The following BAZ1A variants were observed in gnomAD, a reference collection of about 807,000 sequenced individuals.
The protein encoded by BAZ1A is bromodomain adjacent to zinc finger domain 1A, also known as bromodomain adjacent to zinc finger domain protein 1A.
In BAZ1A, 50 loss-of-function variants were observed where a neutral mutation model predicts 185.2. That is an observed-to-expected ratio of 0.27 (90% confidence interval 0.22 to 0.34). The LOEUF is 0.34. Among genes scored for constraint, BAZ1A ranks in the 10% least tolerant of loss-of-function variants. The pLI, the probability that BAZ1A is intolerant of heterozygous loss-of-function variation, is 1.00. For synonymous variants in BAZ1A, 571 were observed against 615.6 expected (o/e 0.93, Z 1.07); for missense variants, 1,356 against 1,839.9 (o/e 0.74, Z 4.81).
At chr14:34,759,983 T>G (rs1886452771) in intron 24 of BAZ1A, among the ~76,000 whole-genome samples, 1 of 152,168 alleles carries the variant, frequency 6.6e-6, no homozygotes, top group Non-Finnish European at 1.5e-5. Flanking sequence ...CCACAGATCT[T>G]AATTTTAATA....
intron 3 of BAZ1A, among the ~76,000 whole-genome samples, chr14:34,858,105 C>CA (rs11454169): frequency 0.86 from 131,361 of 152,126 alleles, 57,660 homozygotes; most frequent in Non-Finnish European, 0.96. Context: ...AAACCACCAA[C>CA]AACAAAATAA....
intron 5 of BAZ1A, among the ~76,000 whole-genome samples, chr14:34,808,066 A>G (rs1482146262): frequency 6.6e-6 from 1 of 152,126 alleles, no homozygotes; most frequent in Non-Finnish European, 1.5e-5. Context: ...AGTGCACTCC[A>G]GCCTGGGCGA....
rs752262266 is a variant in BAZ1A, at chr14:34,755,350, A to G, written c.4387-436T>C. 3.2e-4 allele frequency among the ~76,000 whole-genome samples: 49 copies of G among 152,154 alleles called. 1 individual carries two copies. Among genetic ancestry groups the G allele is most frequent in the Admixed American group, 1.3e-4 (2 of 15,274 alleles). On this transcript the variant is annotated intron_variant, in intron 25 of 26. Transcript: ENST00000360310. ...GAAGTCTCAAAGTAGAATTCTGATG[A>G]TGTCACTTCTTCATTCAGAAACCTT...
intron 23 of BAZ1A, among the ~76,000 whole-genome samples, chr14:34,764,375 C>T (rs963202234): frequency 6.9e-6 from 1 of 145,268 alleles, no homozygotes; most frequent in Admixed American, 7.3e-5. Context: ...CTCACTGCAA[C>T]CTCCGCTCCC....
At chr14:34,757,932 A>G (rs1886335417) in intron 25 of BAZ1A, among the ~76,000 whole-genome samples, 2 of 151,078 alleles carry the variant, frequency 1.3e-5, no homozygotes, top group South Asian at 4.2e-4. Context: ...TATTTTTAGT[A>G]GAGATGGGGT....
intron 2 of BAZ1A, among the ~76,000 whole-genome samples, chr14:34,871,393 C>T (rs2042945928): frequency 6.6e-6 from 1 of 152,196 alleles, no homozygotes; most frequent in Admixed American, 6.5e-5. Context: ...CATTATGCAC[C>T]TTAGCTTACG....
intron 2 of BAZ1A, among the ~76,000 whole-genome samples, chr14:34,863,595 C>A (rs1461632648): frequency 6.6e-6 from 1 of 152,154 alleles, no homozygotes; most frequent in Non-Finnish European, 1.5e-5. Flanking sequence ...CGTGAGCCAC[C>A]ATTCCCAGCC....
chr14:34,764,814 T>C lies in BAZ1A; in HGVS notation c.3669A>G (p.Gly1223=). ...CGCCATCAACTTCATCATCCTCACCTCCCATACTGTCTTCCACATCTTCAT... is the reference window on the plus strand; with the variant it reads ...CGCCATCAACTTCATCATCCTCACCCCCCATACTGTCTTCCACATCTTCAT... ...ESDEDVEDSM[G]GEDDEVDGDE... Residue 1223 remains glycine, a synonymous_variant, in exon 23 of 27, where the codon GGA becomes GGG. Transcript: ENST00000360310. 1 of 1,613,572 alleles carries C rather than the reference T, an allele frequency of 6.2e-7. No individual in the cohort carries two copies. Among genetic ancestry groups the C allele is most frequent in the Non-Finnish European group, 8.5e-7 (1 of 1,179,570 alleles).
rs964428068 is a variant in BAZ1A, at chr14:34,835,057, A to AT, written c.393-8902dup. Among the ~76,000 whole-genome samples, 132 of 146,332 alleles carry AT rather than the reference A, an allele frequency of 9.0e-4. 1 individual carries two copies. Among genetic ancestry groups the AT allele is most frequent in the Admixed American group, 2.9e-3 (43 of 14,732 alleles). ...TCTAGAAGATGAAATTCCGGCTCAG[A>AT]TTTTTTTTTTTCCTTTTTTCCTGAG... On this transcript the variant is annotated intron_variant, in intron 3 of 26. Transcript: ENST00000360310.
rs768851143 is a variant in BAZ1A, at chr14:34,771,487, T to G, written c.3301+24A>C. ...AAATTACTTATAACACAACTAATAT[T>G]TTGAAATAAAAACAGATACTTACCA... On this transcript the variant is annotated intron_variant, in intron 21 of 26. Transcript: ENST00000360310. 3.8e-6 allele frequency: 6 copies of G among 1,591,218 alleles called. No individual in the cohort carries two copies. In the East Asian group the frequency reaches 1.1e-4, roughly 30 times the overall value.
Position 34,753,171 on chromosome 14 carries a change from CT to C in BAZ1A, c.*336del. On this transcript the variant is annotated 3_prime_UTR_variant, in exon 27 of 27. Transcript: ENST00000360310. ...AGATAACTCTCCCTTAATACCACCA[CT>C]TTAAAAAAAAATCATCAATAACAAA... 1 of 224,584 alleles carries C rather than the reference CT, an allele frequency of 4.5e-6. No individual in the cohort carries two copies. The highest frequency in any genetic ancestry group is 8.1e-5 in the South Asian group (1 of 12,306). 13.9% of individuals were successfully genotyped at this position (224,584 alleles called of 1,614,324 possible). A position where few individuals can be genotyped will look rare whatever the true frequency, so the allele number is the denominator to read the frequency against.
Position 34,774,411 on chromosome 14 carries a change from T to C in BAZ1A, c.2913A>G (p.Ala971=), listed in dbSNP as rs766145235. Residue 971 remains alanine (A), a synonymous_variant, in exon 19 of 27, where the codon GCA becomes GCG. Transcript: ENST00000360310. ...SNAYDPSQMC[A]EKQLELRLRD... ...TCAGCCTTAGTTCAAGTTGCTTTTC[T>C]GCACACATCTGAGATGGATCATATG... The C allele has an allele frequency of 2.0e-5, 32 of 1,613,790 alleles. No individual in the cohort carries two copies. In the Admixed American group the frequency reaches 5.2e-4, roughly 26 times the overall value.
chr14:34,758,638 C>A, intron 25 of BAZ1A, 66 bp downstream of exon 25: 1 of 1,527,464 alleles, frequency 6.5e-7, no homozygotes, highest in Non-Finnish European at 8.9e-7. Context: ...TTGACTACTT[C>A]AAAGTTATCA....
At chr14:34,820,313 T>C (rs1387039287) in intron 4 of BAZ1A, among the ~76,000 whole-genome samples, 2 of 151,968 alleles carry the variant, frequency 1.3e-5, no homozygotes, top group African/African-American at 4.8e-5. Flanking sequence ...TGGTTTTTTG[T>C]AGAGATGGGG....
chr14:34,829,471 A>G lies in BAZ1A; in HGVS notation c.393-3315T>C, dbSNP rs1192086121. Among the ~76,000 whole-genome samples, 5 of 152,208 alleles carry G rather than the reference A, an allele frequency of 3.3e-5. 1 individual carries two copies. Among genetic ancestry groups the G allele is most frequent in the Middle Eastern group, 6.8e-3 (2 of 294 alleles). ...ATAAATTAATAGCAACTTCCTATCAATTTATAATCTGCTCTTCAATGTATC... is the reference window on the plus strand; with the variant it reads ...ATAAATTAATAGCAACTTCCTATCAGTTTATAATCTGCTCTTCAATGTATC... On this transcript the variant is annotated intron_variant, in intron 3 of 26. Coordinates refer to ENST00000360310, the MANE Select transcript of BAZ1A (RefSeq NM_013448.3).
At chr14:34,784,690 T>C (rs1880314720) in intron 14 of BAZ1A, among the ~76,000 whole-genome samples, 2 of 151,276 alleles carry the variant, frequency 1.3e-5, no homozygotes, top group South Asian at 4.2e-4. Flanking sequence ...GCTAATTTTT[T>C]TGTATTTTCA....
intron 24 of BAZ1A, among the ~76,000 whole-genome samples, chr14:34,759,478 C>T (rs1209949907): frequency 1.3e-5 from 2 of 151,800 alleles, no homozygotes; most frequent in East Asian, 1.9e-4. Context: ...GGATTACAGG[C>T]GTGAGCCACC....
At chr14:34,871,436 T>A (rs552172549) in intron 2 of BAZ1A, among the ~76,000 whole-genome samples, 16 of 152,248 alleles carry the variant, frequency 1.1e-4, no homozygotes, top group Non-Finnish European at 1.9e-4. Flanking sequence ...TATTGAGTCT[T>A]CTTTACCTAT....
At chr14:34,825,650 T>G (rs940075964) in intron 4 of BAZ1A, among the ~76,000 whole-genome samples, 4 of 151,310 alleles carry the variant, frequency 2.6e-5, no homozygotes, top group Non-Finnish European at 4.4e-5. Flanking sequence ...AAAGAAAAGT[T>G]ATTTCAGCTG....
Sources: gnomAD v4.1 joint callset for allele counts (sites outside exome capture counted in the v4.1 genomes callset) on GRCh38, gnomAD v4.1.1 for gene constraint, MANE v1.5 for transcripts, NCBI Gene and HGNC (gene_info 2026-07-23, HGNC 2026-07-21) for gene names.